The following COL28A1 variants were observed in gnomAD, a reference collection of about 807,000 sequenced individuals.
COL28A1 encodes the protein collagen alpha-1(XXVIII) chain.
In COL28A1, 161 loss-of-function variants were observed where a neutral mutation model predicts 150.2. The observed-to-expected ratio is 1.07, with a 90% CI of 0.94 to 1.22. The LOEUF is 1.22. COL28A1 is among the 50% of genes most tolerant of loss of function. COL28A1 has a pLI of 0.00. For missense variants in COL28A1, 1,617 were observed against 1,388.3 expected, an observed-to-expected ratio of 1.16 and a Z score of -2.62; for synonymous variants, 552 against 469.7, an observed-to-expected ratio of 1.18 and a Z score of -2.26.
chr7:7,411,438 T>C (rs761132894), intron 27 of COL28A1, among the ~76,000 whole-genome samples: 4 of 152,114 alleles, frequency 2.6e-5, no homozygotes, highest in Admixed American at 6.5e-5. Flanking sequence ...GCTGCTGGCA[T>C]CCCAAGCAAT....
At position 7,523,187 on chromosome 7, in the gene COL28A1, G is replaced by GTC. The variant is rs772926074; in HGVS notation, c.702+1040_702+1041dup. On this transcript the variant is annotated intron_variant, in intron 4 of 34. Coordinates refer to ENST00000399429, the MANE Select transcript of COL28A1 (RefSeq NM_001037763.3). ...TTTCTTTTTTTTTTTTTAAACGGGA[G>GTC]TCTCACTCTGCCACCAGGCTGGAAT... is the stretch of plus-strand genomic sequence containing the variant. Among the ~76,000 whole-genome samples, 228 of 139,074 alleles carry GTC rather than the reference G, an allele frequency of 1.6e-3. 2 individuals are homozygous for GTC. Among genetic ancestry groups the GTC allele is most frequent in the Non-Finnish European group, 2.2e-3 (143 of 65,390 alleles). The allele number at this position is 139,074 out of a possible 152,430, so 91.2% of individuals were successfully genotyped here. A position where few individuals can be genotyped will look rare whatever the true frequency, so the allele number is the denominator to read the frequency against.
At chr7:7,343,133 G>A in the COL28A1 span, among the ~76,000 whole-genome samples, 442 of 151,414 alleles carry the variant, frequency 2.9e-3, 6 homozygotes, top group African/African-American at 0.01. Flanking sequence ...TTTAAAATTT[G>A]GTCTCGTCTT....
At position 7,437,375 on chromosome 7, in the gene COL28A1, A is replaced by C; in HGVS notation, c.1791+19T>G. 6.3e-7 allele frequency: 1 copy of C among 1,597,850 alleles called. No individual in the cohort carries two copies. The highest frequency in any genetic ancestry group is 1.2e-5 in the South Asian group (1 of 86,398). ...GCCAAAGGGTCAAGAAAAAGAAAAT[A>C]ATCTCCAAGAATATATACCTTTGGC... On this transcript the variant is annotated intron_variant, in intron 22 of 34. Transcript: ENST00000399429.
intron 3 of COL28A1, among the ~76,000 whole-genome samples, chr7:7,529,094 G>A (rs952175777): frequency 6.6e-6 from 1 of 151,884 alleles, no homozygotes; most frequent in African/African-American, 2.4e-5. Flanking sequence ...CTGAGGTCAG[G>A]AGTTTGAGAA....
intron 27 of COL28A1, among the ~76,000 whole-genome samples, chr7:7,396,904 G>A (rs1782866042): frequency 6.6e-6 from 1 of 152,118 alleles, no homozygotes; most frequent in African/African-American, 2.4e-5. Context: ...CTCTTCCCCT[G>A]TCTCCATGGC....
chr7:7,422,659 G>C (rs1784438980), intron 25 of COL28A1, among the ~76,000 whole-genome samples: 1 of 151,530 alleles, frequency 6.6e-6, no homozygotes, highest in Admixed American at 6.6e-5. Context: ...GAAGGATATA[G>C]CCAGACACCA....
At chr7:7,476,054 G>A (rs552824179) in intron 14 of COL28A1, among the ~76,000 whole-genome samples, 1 of 152,166 alleles carries the variant, frequency 6.6e-6, no homozygotes, top group Non-Finnish European at 1.5e-5. Context: ...GATCATGGTG[G>A]AAGAAGCTGA....
In COL28A1 at chr7:7,523,592, G is replaced by A. The variant is rs116795161; in HGVS notation, c.702+637C>T. Among the ~76,000 whole-genome samples the A allele has an allele frequency of 8.4e-3, 1,285 of 152,188 alleles. 23 individuals carry two copies. Among genetic ancestry groups the A allele is most frequent in the African/African-American group, 0.03 (1,234 of 41,524 alleles). On this transcript the variant is annotated intron_variant, in intron 4 of 34. Transcript: ENST00000399429. ...CAACAATACTTGTAAATTTCCTGATGTTAAATAAGCAGCTCATTGAACAAA... is the reference window on the plus strand; with the variant it reads ...CAACAATACTTGTAAATTTCCTGATATTAAATAAGCAGCTCATTGAACAAA...
At chr7:7,425,647 G>A (rs1007309391) in intron 25 of COL28A1, among the ~76,000 whole-genome samples, 1 of 152,140 alleles carries the variant, frequency 6.6e-6, no homozygotes, top group Non-Finnish European at 1.5e-5. Context: ...ATTTGGCAGC[G>A]TGATGCATAA....
chr7:7,495,478 G>A (rs1486725259), intron 11 of COL28A1, among the ~76,000 whole-genome samples: 1 of 152,114 alleles, frequency 6.6e-6, no homozygotes, highest in Non-Finnish European at 1.5e-5. Flanking sequence ...ATTTCAAAAA[G>A]AGACTCATCA....
intron 30 of COL28A1, among the ~76,000 whole-genome samples, chr7:7,380,023 T>G (rs1340799637): frequency 1.3e-5 from 2 of 151,928 alleles, no homozygotes; most frequent in African/African-American, 4.8e-5. Context: ...CCTGGAAAAG[T>G]CTAACAGGAA....
chr7:7,448,638 T>G (rs935263640), intron 18 of COL28A1, among the ~76,000 whole-genome samples: 1 of 150,896 alleles, frequency 6.6e-6, no homozygotes, highest in East Asian at 1.9e-4. Context: ...ATGATAAAAT[T>G]TATAAAAATT....
intron 25 of COL28A1, among the ~76,000 whole-genome samples, chr7:7,424,147 C>T (rs540772182): frequency 1.3e-5 from 2 of 152,268 alleles, no homozygotes; most frequent in Non-Finnish European, 1.5e-5. Flanking sequence ...CAAGTCTTAA[C>T]GTTCTGCAGA....
At chr7:7,384,814 G>A (rs980411205) in intron 27 of COL28A1, among the ~76,000 whole-genome samples, 6 of 152,078 alleles carry the variant, frequency 3.9e-5, no homozygotes, top group African/African-American at 7.2e-5. Context: ...AACTGACACT[G>A]GCATTCCAAG....
chr7:7,486,034 A>G (rs1002766449), intron 13 of COL28A1, among the ~76,000 whole-genome samples: 3 of 152,214 alleles, frequency 2.0e-5, no homozygotes, highest in African/African-American at 7.2e-5. Context: ...AAACTTTTAC[A>G]TCAATTTGGG....
chr7:7,387,354 C>G (rs1328519898), intron 27 of COL28A1, among the ~76,000 whole-genome samples: 2 of 151,826 alleles, frequency 1.3e-5, no homozygotes, highest in Admixed American at 6.6e-5. Context: ...TAATCCTTTA[C>G]TAAAGAATAA....
chr7:7,352,103 C>T (rs1780243095), downstream of COL28A1, among the ~76,000 whole-genome samples: 1 of 152,140 alleles, frequency 6.6e-6, no homozygotes, highest in African/African-American at 2.4e-5. Context: ...TCTTAGTCTC[C>T]TTTTAAACTA....
At chr7:7,491,080 T>C (rs957394334) in intron 11 of COL28A1, among the ~76,000 whole-genome samples, 2 of 152,180 alleles carry the variant, frequency 1.3e-5, no homozygotes, top group Non-Finnish European at 2.9e-5. Flanking sequence ...AATCTTTAAG[T>C]GCTCTGGAAG....
At chr7:7,344,436 A>C in the COL28A1 span, among the ~76,000 whole-genome samples, 1 of 152,112 alleles carries the variant, frequency 6.6e-6, no homozygotes, top group Non-Finnish European at 1.5e-5. Context: ...AGTGATTATA[A>C]TATGCATTTT....
Sources: gnomAD v4.1 joint callset for allele counts (sites outside exome capture counted in the v4.1 genomes callset) on GRCh38, gnomAD v4.1.1 for gene constraint, MANE v1.5 for transcripts, NCBI Gene and HGNC (gene_info 2026-07-23, HGNC 2026-07-21) for gene names.